Variants in MORN5 observed in about 807,000 individuals in gnomAD.
MORN5 encodes the protein MORN repeat-containing protein 5.
In MORN5, 21 loss-of-function variants were observed where a neutral mutation model predicts 22.1. The ratio of observed to expected loss-of-function variants is 0.95; its 90% CI spans 0.67 to 1.37. MORN5 has a LOEUF of 1.37. Among genes scored for constraint, MORN5 ranks in the 40% most tolerant of loss-of-function variants. The probability of loss-of-function intolerance (pLI) is 0.00; values close to 1 mark genes in which losing one functional copy is unlikely to be tolerated. For missense variants in MORN5, 211 were observed against 215.1 expected (o/e 0.98, Z 0.12); for synonymous variants, 73 against 74.0 (o/e 0.99, Z 0.07).
chr9:122,199,916 C>T lies in MORN5; in HGVS notation c.471C>T (p.Thr157=). ...ACGAGCATGAGTGGATCACCCGTAC[C>T]TGTCGAAAGGGCTAGGATGAGATCG... is the stretch of plus-strand genomic sequence containing the variant. ...DDDEHEWITR[T]CRKG The change falls in exon 5 of 5, where the codon ACC becomes ACT. Residue 157 remains threonine, a synonymous_variant. Transcript: ENST00000373764. 4 of 1,613,974 alleles carry T rather than the reference C, an allele frequency of 2.5e-6. No individual in the cohort carries two copies. The highest frequency in any genetic ancestry group is 3.4e-6 in the Non-Finnish European group (4 of 1,179,896).
chr9:122,160,469 A>G (rs565376261), intron 1 of MORN5, among the ~76,000 whole-genome samples: 1 of 152,354 alleles, frequency 6.6e-6, no homozygotes, highest in South Asian at 2.1e-4. Flanking sequence ...GGATTATTAT[A>G]GAGGATTATA....
intron 4 of MORN5, among the ~76,000 whole-genome samples, chr9:122,186,223 A>G (rs1180343239): frequency 6.6e-6 from 1 of 152,164 alleles, no homozygotes; most frequent in Non-Finnish European, 1.5e-5. Context: ...TTTGAGGAAT[A>G]GACCATTATT....
At chr9:122,163,974 C>T (rs1829239307) in intron 1 of MORN5, among the ~76,000 whole-genome samples, 1 of 152,130 alleles carries the variant, frequency 6.6e-6, no homozygotes, top group South Asian at 2.1e-4. Flanking sequence ...ATGTCCACCC[C>T]ACCGGACTCA....
chr9:122,192,880 C>A (rs1380573945), intron 4 of MORN5, among the ~76,000 whole-genome samples: 1 of 152,228 alleles, frequency 6.6e-6, no homozygotes, highest in Non-Finnish European at 1.5e-5. Context: ...TTTGTCAAAA[C>A]CCCACAGGGT....
intron 4 of MORN5, 130 bp from the exon 5 acceptor site, chr9:122,199,755 C>T: frequency 1.2e-6 from 1 of 817,808 alleles, no homozygotes; most frequent in Non-Finnish European, 2.1e-6. Flanking sequence ...CTGTTCCTCC[C>T]CACACAAAAC....
At chr9:122,160,228 G>T (rs961815503) in intron 1 of MORN5, among the ~76,000 whole-genome samples, 33 of 152,182 alleles carry the variant, frequency 2.2e-4, no homozygotes, top group Non-Finnish European at 1.9e-4. Context: ...CTGTGTGTGT[G>T]TGCTATCTGC....
chr9:122,199,317 C>G (rs111762068), intron 4 of MORN5, among the ~76,000 whole-genome samples: 59 of 152,234 alleles, frequency 3.9e-4, no homozygotes, highest in African/African-American at 1.4e-3. Flanking sequence ...TGGTTGGTCA[C>G]GAAGATTAAA....
intron 2 of MORN5, among the ~76,000 whole-genome samples, chr9:122,167,175 G>C (rs1308843871): frequency 6.6e-6 from 1 of 150,626 alleles, no homozygotes; most frequent in Non-Finnish European, 1.5e-5. Flanking sequence ...AGCCTCCCGA[G>C]TAGCTGGGAC....
chr9:122,198,997 G>A (rs905098380), intron 4 of MORN5, among the ~76,000 whole-genome samples: 3 of 152,176 alleles, frequency 2.0e-5, no homozygotes, highest in Non-Finnish European at 2.9e-5. Context: ...CATTGGTGTA[G>A]GTCCCTGCAG....
chr9:122,161,136 G>C (rs754626061), intron 1 of MORN5, among the ~76,000 whole-genome samples: 5 of 152,162 alleles, frequency 3.3e-5, no homozygotes, highest in Non-Finnish European at 7.3e-5. Flanking sequence ...AAGGCTGGAC[G>C]ATATGAAGTG....
intron 4 of MORN5, among the ~76,000 whole-genome samples, chr9:122,178,691 C>A (rs1247787881): frequency 6.6e-6 from 1 of 152,160 alleles, no homozygotes; most frequent in African/African-American, 2.4e-5. Flanking sequence ...TGCCTTGAGC[C>A]CACCCTTCCA....
intron 4 of MORN5, chr9:122,175,607 C>T (rs574497950): frequency 1.1e-4 from 104 of 956,522 alleles, no homozygotes; most frequent in African/African-American, 2.9e-4. Context: ...CACCCACACG[C>T]GCACATGCAT....
At chr9:122,172,896 A>G (rs2118753619) in intron 3 of MORN5, among the ~76,000 whole-genome samples, 1 of 152,242 alleles carries the variant, frequency 6.6e-6, no homozygotes, top group Non-Finnish European at 1.5e-5. Flanking sequence ...ACCCAGGGAG[A>G]CCAGAGTTAA....
chr9:122,168,746 T>A (rs1829323711), intron 2 of MORN5, among the ~76,000 whole-genome samples: 1 of 152,158 alleles, frequency 6.6e-6, no homozygotes, highest in African/African-American at 2.4e-5. Flanking sequence ...AATAATAACA[T>A]TTATTGAGTG....
At position 122,169,756 on chromosome 9, in the gene MORN5, G is replaced by T; in HGVS notation, c.307G>T (p.Gly103Cys). 1 of 1,601,418 alleles carries T rather than the reference G, an allele frequency of 6.2e-7. No individual in the cohort carries two copies. Among genetic ancestry groups the T allele is most frequent in the Non-Finnish European group, 8.6e-7 (1 of 1,168,370 alleles). The change falls in exon 3 of 5, where the codon GGT becomes TGT. Residue 103 changes from glycine to cysteine, a missense_variant and splice_region_variant. Transcript: ENST00000373764. ...TEILNGLKPAGMAQLTNMDPP... is the reference protein window; with the variant it reads ...TEILNGLKPACMAQLTNMDPP... ...GATCCTCAATGGCTTGAAGCCTGCA[G>T]GTACCCAGGCACCCACCCTTTCCTT... is the stretch of plus-strand genomic sequence containing the variant.
At chr9:122,178,264 G>A (rs560564733) in intron 4 of MORN5, among the ~76,000 whole-genome samples, 6 of 152,084 alleles carry the variant, frequency 3.9e-5, no homozygotes, top group Non-Finnish European at 5.9e-5. Flanking sequence ...AAAGGCAGGC[G>A]GATCACCTGA....
rs1408064485 is a variant in MORN5 at position 122,169,267 on chromosome 9, G to A, written c.196-378G>A. ...ATCCCTTTCACTTAACCCAGTCAAG[G>A]TGTCTCACAAAATCAACCATCACAG... is the stretch of plus-strand genomic sequence containing the variant. On this transcript the variant is annotated intron_variant, in intron 2 of 4. Coordinates refer to ENST00000373764, the MANE Select transcript of MORN5 (RefSeq NM_198469.4). Among the ~76,000 whole-genome samples the A allele has an allele frequency of 2.0e-5, 3 of 152,132 alleles. No individual in the cohort carries two copies. In the South Asian group the frequency reaches 6.2e-4, roughly 32 times the overall value.
intron 1 of MORN5, among the ~76,000 whole-genome samples, chr9:122,160,646 G>T (rs570400213): frequency 4.2e-4 from 62 of 146,494 alleles, no homozygotes; most frequent in African/African-American, 1.3e-3. Context: ...ACAAGATCTC[G>T]CTCTGTTGCC....
intron 4 of MORN5, among the ~76,000 whole-genome samples, chr9:122,189,025 T>A (rs1829701603): frequency 6.6e-6 from 1 of 151,986 alleles, no homozygotes; most frequent in Non-Finnish European, 1.5e-5. Context: ...TGAAACCCCG[T>A]CTCTACTAAA....
Sources: allele counts gnomAD v4.1 joint callset (sites outside exome capture counted in the v4.1 genomes callset), GRCh38; gene constraint gnomAD v4.1.1; transcripts MANE v1.5; gene names NCBI Gene and HGNC (gene_info 2026-07-23, HGNC 2026-07-21).